The following PCBP3 variants were observed in gnomAD, a reference collection of about 807,000 sequenced individuals.
PCBP3 encodes the protein poly(rC) binding protein 3.
Under a neutral mutation model 52.7 loss-of-function variants are expected in PCBP3, and 25 were observed. That is an observed-to-expected ratio of 0.47 (90% confidence interval 0.35 to 0.66). The LOEUF is 0.66. Among genes scored for constraint, PCBP3 ranks in the 30% least tolerant of loss-of-function variants. The pLI is 0.01. For synonymous variants in PCBP3, 162 were observed against 183.0 expected (o/e 0.89, Z 0.93); for missense variants, 391 against 490.3 (o/e 0.80, Z 1.91).
chr21:45,932,215 G>C (rs1412486943), intron 15 of PCBP3, among the ~76,000 whole-genome samples: 2 of 151,634 alleles, frequency 1.3e-5, no homozygotes, highest in Non-Finnish European at 2.9e-5. Flanking sequence ...CGGCCATGCT[G>C]TCCTGAGATG....
At chr21:45,842,084 G>T (rs1392657959) in intron 4 of PCBP3, among the ~76,000 whole-genome samples, 1 of 152,194 alleles carries the variant, frequency 6.6e-6, no homozygotes, top group East Asian at 1.9e-4. Flanking sequence ...TTTGCTTTGG[G>T]CAGTTTTCTT....
chr21:45,761,701 T>C (rs1312722704), intron 4 of PCBP3: 2 of 152,496 alleles, frequency 1.3e-5, no homozygotes, highest in African/African-American at 2.4e-5. Flanking sequence ...TGGGTGTGGT[T>C]GGTCTCTGGT....
In PCBP3 at chr21:45,853,031, A is replaced by T. The variant is rs1223469498; in HGVS notation, c.10+2936A>T. 2.0e-5 allele frequency among the ~76,000 whole-genome samples: 3 copies of T among 152,196 alleles called. No individual in the cohort carries two copies. The highest frequency in any genetic ancestry group is 4.4e-5 in the Non-Finnish European group (3 of 68,028). ...GGCGTGTACACTTCCCACAGCTGAG[A>T]CCAGCAGGAGCGGGCAGTGGACTCG... On this transcript the variant is annotated intron_variant, in intron 5 of 17. Transcript: ENST00000681687. This position sits in a 1 kb window ranked among gnomAD's most constrained non-coding sequence, Gnocchi z 4.6.
chr21:45,784,056 G>C (rs1164866650), intron 4 of PCBP3, among the ~76,000 whole-genome samples: 1 of 152,212 alleles, frequency 6.6e-6, no homozygotes, highest in African/African-American at 2.4e-5. Flanking sequence ...AGAGTGAATA[G>C]TGTAAGCAGT....
intron 5 of PCBP3, among the ~76,000 whole-genome samples, chr21:45,889,281 G>C (rs916633317): frequency 6.6e-5 from 10 of 152,228 alleles, no homozygotes; most frequent in African/African-American, 2.2e-4. Flanking sequence ...ATGCGGGCCA[G>C]CAGCCTCTGA....
intron 2 of PCBP3, among the ~76,000 whole-genome samples, chr21:45,708,024 C>A (rs1449896674): frequency 6.6e-6 from 1 of 152,182 alleles, no homozygotes; most frequent in Non-Finnish European, 1.5e-5. Flanking sequence ...AGTGGCAAAG[C>A]CGACGTTCTG....
At chr21:45,852,288 G>A (rs887083426) in intron 5 of PCBP3, among the ~76,000 whole-genome samples, 7 of 152,194 alleles carry the variant, frequency 4.6e-5, no homozygotes, top group African/African-American at 1.4e-4. Flanking sequence ...GGCAAGGAAC[G>A]TGGCCTGGAA....
At position 45,926,492 on chromosome 21, in the gene PCBP3, G is replaced by A. The variant is rs116092246; in HGVS notation, c.718-3425G>A. On this transcript the variant is annotated intron_variant, in intron 13 of 17. Coordinates refer to ENST00000681687, the MANE Select transcript of PCBP3 (RefSeq NM_001384156.1). ...AGAAGGAGGCACTGTGATCATCGGA[G>A]ATGACTATGTCAAACGGTGTGGTTT... Among the ~76,000 whole-genome samples, 736 of 152,340 alleles carry A rather than the reference G, an allele frequency of 4.8e-3. 7 individuals are homozygous for A. Among genetic ancestry groups the A allele is most frequent in the African/African-American group, 0.017 (695 of 41,582 alleles).
At chr21:45,864,608 T>G (rs1375439536) in intron 5 of PCBP3, among the ~76,000 whole-genome samples, 1 of 151,114 alleles carries the variant, frequency 6.6e-6, no homozygotes, top group African/African-American at 2.4e-5. Flanking sequence ...TTGCAGTGTC[T>G]GTGTGGTGTG....
At chr21:45,660,407 C>G (rs1231739216) in intron 1 of PCBP3, among the ~76,000 whole-genome samples, 1 of 151,934 alleles carries the variant, frequency 6.6e-6, no homozygotes, top group Admixed American at 6.6e-5. Context: ...TTAAAAAATC[C>G]ATTTAGACAA....
intron 13 of PCBP3, among the ~76,000 whole-genome samples, chr21:45,922,354 G>T (rs1359801924): frequency 6.6e-6 from 1 of 152,186 alleles, no homozygotes; most frequent in Non-Finnish European, 1.5e-5. Context: ...AGGAGTTGGA[G>T]ACCAGGTTGG....
chr21:45,849,099 G>A (rs2148167673), intron 4 of PCBP3, among the ~76,000 whole-genome samples: 1 of 152,020 alleles, frequency 6.6e-6, no homozygotes, highest in South Asian at 2.1e-4. Flanking sequence ...TTAAATCTGT[G>A]TCTTCTTATG....
chr21:45,917,654 T>C lies in PCBP3; in HGVS notation c.717+25T>C. 6.3e-7 allele frequency: 1 copy of C among 1,587,122 alleles called. No homozygotes were observed. Among genetic ancestry groups the C allele is most frequent in the Non-Finnish European group, 8.7e-7 (1 of 1,155,452 alleles). On this transcript the variant is annotated intron_variant, in intron 13 of 17. Coordinates refer to ENST00000681687, the MANE Select transcript of PCBP3 (RefSeq NM_001384156.1). This position sits in a 1 kb window ranked among gnomAD's most constrained non-coding sequence, Gnocchi z 5.3. Reference sequence around the variant, plus strand: ...TGTGAGTCTTCACTTTGTCTTCCTCTCACCTTTCTCTTCTCATGGTTGTTT... The same window carrying C: ...TGTGAGTCTTCACTTTGTCTTCCTCCCACCTTTCTCTTCTCATGGTTGTTT...
chr21:45,912,720 T>A (rs2096421951), intron 11 of PCBP3, among the ~76,000 whole-genome samples: 1 of 151,956 alleles, frequency 6.6e-6, no homozygotes, highest in Admixed American at 6.5e-5. Context: ...TGGGTGGGGG[T>A]CGAGGGCCCA....
chr21:45,707,399 C>T (rs2083521273), intron 2 of PCBP3, among the ~76,000 whole-genome samples: 1 of 151,972 alleles, frequency 6.6e-6, no homozygotes, highest in African/African-American at 2.4e-5. Flanking sequence ...GCCTGTAATC[C>T]CAGCTACTCG....
intron 5 of PCBP3, among the ~76,000 whole-genome samples, chr21:45,866,240 C>T (rs1020074116): frequency 6.6e-6 from 1 of 152,256 alleles, no homozygotes; most frequent in Non-Finnish European, 1.5e-5. Flanking sequence ...TGAGTGTCCA[C>T]ACCTTGCACC....
chr21:45,698,361 G>C (rs555358869), intron 2 of PCBP3, among the ~76,000 whole-genome samples: 1 of 152,226 alleles, frequency 6.6e-6, no homozygotes, highest in African/African-American at 2.4e-5. Flanking sequence ...CCATTATGGG[G>C]GACACATGCT....
intron 2 of PCBP3, among the ~76,000 whole-genome samples, chr21:45,682,445 A>G (rs555208637): frequency 6.0e-4 from 91 of 152,310 alleles, no homozygotes; most frequent in African/African-American, 2.2e-3. Context: ...CATTCTGACT[A>G]GTATGGGACT....
At chr21:45,669,198 T>G (rs75142251) in intron 2 of PCBP3, among the ~76,000 whole-genome samples, 1,936 of 152,324 alleles carry the variant, frequency 0.013, 21 homozygotes, top group Non-Finnish European at 0.019. Flanking sequence ...CTCTCTCTTA[T>G]ATTTCTGGAT....
Sources: allele counts gnomAD v4.1 joint callset (sites outside exome capture counted in the v4.1 genomes callset), GRCh38; gene constraint gnomAD v4.1.1; non-coding constraint Gnocchi (gnomAD v3.1); transcripts MANE v1.5; gene names NCBI Gene and HGNC (gene_info 2026-07-23, HGNC 2026-07-21).